SGCZ: variants seen among roughly 807,000 people sequenced by gnomAD.
The protein encoded by SGCZ is sarcoglycan zeta.
In SGCZ, 40 loss-of-function variants were observed where a neutral mutation model predicts 41.3. That is an observed-to-expected ratio of 0.97 (90% CI 0.75 to 1.26). The LOEUF is 1.26. Among genes scored for constraint, SGCZ ranks in the 50% most tolerant of loss-of-function variants. The probability of loss-of-function intolerance (pLI) is 0.00; values close to 1 mark genes in which losing one functional copy is unlikely to be tolerated. For synonymous variants in SGCZ, 206 were observed against 137.5 expected, an observed-to-expected ratio of 1.50 and a Z score of -3.49; for missense variants, 552 against 369.8, an observed-to-expected ratio of 1.49 and a Z score of -4.04.
At chr8:14,885,988 TATATATATATATATATATA>T (rs1804780919) in intron 1 of SGCZ, among the ~76,000 whole-genome samples, 2 of 13,244 alleles carry the variant, frequency 1.5e-4, no homozygotes, top group African/African-American at 5.8e-4. Context: ...CTTTATGTTA[TATATATATATATATATATA>T]TATATATATA....
intron 2 of SGCZ, among the ~76,000 whole-genome samples, chr8:14,333,803 A>C (rs1221700809): frequency 6.6e-6 from 1 of 152,082 alleles, no homozygotes; most frequent in East Asian, 1.9e-4. Flanking sequence ...TATTTTACCA[A>C]CTCTGAAGAA....
chr8:14,784,025 T>A (rs1347017460), intron 1 of SGCZ, among the ~76,000 whole-genome samples: 2 of 151,290 alleles, frequency 1.3e-5, no homozygotes, highest in African/African-American at 4.9e-5. Context: ...TTCTAACCTT[T>A]AAATTTCAGA....
intron 1 of SGCZ, among the ~76,000 whole-genome samples, chr8:14,811,512 C>T (rs555256827): frequency 4.0e-5 from 5 of 126,508 alleles, no homozygotes; most frequent in Admixed American, 1.8e-4. Context: ...CTGAAAGACA[C>T]TGCATCTTTT....
chr8:14,832,506 AAC>A (rs10548249), intron 1 of SGCZ, among the ~76,000 whole-genome samples: 18,175 of 152,138 alleles, frequency 0.12, 1,269 homozygotes, highest in East Asian at 0.22. Context: ...CATTTTTTTT[AAC>A]AGGGTGAATC....
At chr8:15,031,241 C>T (rs1803648856) in intron 1 of SGCZ, among the ~76,000 whole-genome samples, 1 of 151,982 alleles carries the variant, frequency 6.6e-6, no homozygotes, top group Non-Finnish European at 1.5e-5. Flanking sequence ...TAGGTTTATT[C>T]CTACAAGCCA....
In SGCZ at chr8:14,480,092, T is replaced by A. The variant is rs73525391; in HGVS notation, c.234+74640A>T. Among the ~76,000 whole-genome samples the A allele has an allele frequency of 1.8e-3, 278 of 152,338 alleles. 1 individual carries two copies. Among genetic ancestry groups the A allele is most frequent in the African/African-American group, 6.3e-3 (261 of 41,586 alleles). On this transcript the variant is annotated intron_variant, in intron 2 of 7. Transcript: ENST00000382080. ...TTATTTCTAACCATTTGTCTTCAAT[T>A]ACTGTAATCCCATTCTCTCTTGAAC...
intron 4 of SGCZ, among the ~76,000 whole-genome samples, chr8:14,226,532 T>C (rs1806379658): frequency 6.6e-6 from 1 of 152,104 alleles, no homozygotes; most frequent in Non-Finnish European, 1.5e-5. Context: ...ATAATGTCAA[T>C]AGCTTTTTTA....
At chr8:15,005,078 T>C (rs1168847504) in intron 1 of SGCZ, among the ~76,000 whole-genome samples, 2 of 152,184 alleles carry the variant, frequency 1.3e-5, no homozygotes, top group East Asian at 1.9e-4. Flanking sequence ...GTGCGCTAGA[T>C]GGCAGAGGCT....
intron 1 of SGCZ, among the ~76,000 whole-genome samples, chr8:15,115,624 C>G (rs1056638386): frequency 1.3e-5 from 2 of 152,170 alleles, no homozygotes; most frequent in Non-Finnish European, 2.9e-5. Context: ...GAGATACATG[C>G]AACGGTTATC....
chr8:14,577,372 A>G (rs967223004), intron 1 of SGCZ, among the ~76,000 whole-genome samples: 6 of 151,448 alleles, frequency 4.0e-5, no homozygotes, highest in African/African-American at 1.5e-4. Flanking sequence ...ATAAGAAAGA[A>G]AAGAAATATA....
intron 1 of SGCZ, among the ~76,000 whole-genome samples, chr8:15,117,300 G>A (rs941280460): frequency 2.0e-5 from 3 of 151,708 alleles, no homozygotes; most frequent in Non-Finnish European, 4.4e-5. Flanking sequence ...GGGAGCTCGC[G>A]GTGAGCCGAG....
At chr8:14,124,398 C>T (rs1260566306) in intron 5 of SGCZ, among the ~76,000 whole-genome samples, 1 of 152,038 alleles carries the variant, frequency 6.6e-6, no homozygotes, top group Non-Finnish European at 1.5e-5. Flanking sequence ...CCACACAAGA[C>T]CCCAAAGATG....
At chr8:14,351,558 A>T (rs1185376307) in intron 2 of SGCZ, among the ~76,000 whole-genome samples, 1 of 151,238 alleles carries the variant, frequency 6.6e-6, no homozygotes, top group African/African-American at 2.4e-5. Flanking sequence ...TATAATTTAG[A>T]AGGATATATA....
chr8:15,000,363 G>C (rs1246949276), intron 1 of SGCZ, among the ~76,000 whole-genome samples: 1 of 152,158 alleles, frequency 6.6e-6, no homozygotes, highest in Non-Finnish European at 1.5e-5. Context: ...AGTTTAGAGG[G>C]TGTCCTAGTG....
intron 2 of SGCZ, among the ~76,000 whole-genome samples, chr8:14,414,454 T>C (rs1165615147): frequency 2.0e-5 from 3 of 151,916 alleles, no homozygotes; most frequent in Admixed American, 2.0e-4. Flanking sequence ...AATCTCAGGA[T>C]GGGTCTGAGG....
intron 1 of SGCZ, among the ~76,000 whole-genome samples, chr8:15,190,519 T>A (rs1349653399): frequency 1.3e-5 from 2 of 152,088 alleles, no homozygotes; most frequent in African/African-American, 2.4e-5. Context: ...GTACTTACAA[T>A]AAAGCTTTCT....
intron 1 of SGCZ, among the ~76,000 whole-genome samples, chr8:14,712,175 T>C (rs78322704): frequency 0.089 from 13,490 of 152,220 alleles, 960 homozygotes; most frequent in African/African-American, 0.19. Flanking sequence ...ACTTTAAGAC[T>C]AGCATTTCAC....
intron 1 of SGCZ, among the ~76,000 whole-genome samples, chr8:14,621,865 T>C (rs925659804): frequency 2.6e-5 from 4 of 152,090 alleles, no homozygotes; most frequent in African/African-American, 4.8e-5. Flanking sequence ...CTTCTGTCTA[T>C]AGACTAAGTG....
At chr8:15,001,632 GGGA>G (rs1802424409) in intron 1 of SGCZ, among the ~76,000 whole-genome samples, 1 of 151,604 alleles carries the variant, frequency 6.6e-6, no homozygotes, top group East Asian at 2.0e-4. Context: ...GGGAGGCTGA[GGGA>G]GGAGAATGGC....
Sources: gnomAD v4.1 joint callset for allele counts (sites outside exome capture counted in the v4.1 genomes callset) on GRCh38, gnomAD v4.1.1 for gene constraint, MANE v1.5 for transcripts, NCBI Gene and HGNC (gene_info 2026-07-23, HGNC 2026-07-21) for gene names.